Variants in FAM133A observed in about 807,000 individuals in gnomAD.
FAM133A encodes the protein family with sequence similarity 133 member A.
For missense variants in FAM133A, 159 were observed against 164.4 expected (o/e 0.97, Z 0.18); for synonymous variants, 65 against 58.6 (o/e 1.11, Z -0.50).
chrX:93,694,525 T>C (rs761415680), intron 2 of FAM133A, among the ~76,000 whole-genome samples: 5 of 111,511 alleles, frequency 4.5e-5, no homozygotes, highest in African/African-American at 1.6e-4. Flanking sequence ...AGAGTTTTGG[T>C]TGAGTCTGAA....
At chrX:93,701,185 A>C (rs1926676989) in intron 3 of FAM133A, among the ~76,000 whole-genome samples, 1 of 112,130 alleles carries the variant, frequency 8.9e-6, no homozygotes, top group Non-Finnish European at 1.9e-5. Flanking sequence ...TTTAAAGCTA[A>C]AATGTAGATG....
At chrX:93,703,567 C>T (rs1314266266) in intron 3 of FAM133A, among the ~76,000 whole-genome samples, 10 of 111,817 alleles carry the variant, frequency 8.9e-5, no homozygotes, top group Non-Finnish European at 1.9e-4. Flanking sequence ...AAATAAAAAG[C>T]GTGTTTAAAA....
chrX:93,684,774 AAAC>A (rs200318969), intron 2 of FAM133A, among the ~76,000 whole-genome samples: 7,676 of 111,928 alleles, frequency 0.069, 602 homozygotes, highest in African/African-American at 0.22. Flanking sequence ...ATAATTAAAA[AAAC>A]AAACATTTAA....
intron 3 of FAM133A, among the ~76,000 whole-genome samples, chrX:93,706,697 C>T (rs1927064050): frequency 9.0e-6 from 1 of 111,590 alleles, no homozygotes; most frequent in Non-Finnish European, 1.9e-5. Flanking sequence ...CGAGCCAGAG[C>T]CTTACCCCAG....
At chrX:93,702,837 TAAAAAAAAAAAAAAA>T (rs33985910) in intron 3 of FAM133A, among the ~76,000 whole-genome samples, 3 of 43,031 alleles carry the variant, frequency 7.0e-5, no homozygotes, top group African/African-American at 2.6e-4. Context: ...ATAGCTATGA[TAAAAAAAAAAAAAAA>T]AAAAAAAAAA....
At chrX:93,686,059 G>A (rs1162545658) in intron 2 of FAM133A, among the ~76,000 whole-genome samples, 1 of 86,339 alleles carries the variant, frequency 1.2e-5, no homozygotes, top group Non-Finnish European at 2.1e-5. Flanking sequence ...AGTGAGCCTA[G>A]ATGGCGCCAC....
intron 2 of FAM133A, among the ~76,000 whole-genome samples, chrX:93,697,819 T>C (rs1330596505): frequency 8.9e-6 from 1 of 111,866 alleles, no homozygotes; most frequent in Non-Finnish European, 1.9e-5. Flanking sequence ...AGTTCTATAT[T>C]CATCAGTTTT....
chrX:93,690,572 T>C (rs1602811608), intron 2 of FAM133A, among the ~76,000 whole-genome samples: 1 of 112,332 alleles, frequency 8.9e-6, no homozygotes, highest in African/African-American at 3.2e-5. Flanking sequence ...AATTGATGAA[T>C]ACTATTCCAT....
At position 93,709,754 on chromosome X, in the gene FAM133A, A is replaced by G. The variant is rs769829914; in HGVS notation, c.335A>G (p.Asp112Gly). The change falls in exon 4 of 4, where the codon GAT (aspartate) becomes GGT (glycine). Residue 112 changes from aspartate (D) to glycine (G), a missense_variant. Asp to Gly is a moderately conservative substitution (Grantham distance 94, BLOSUM62 -1). Coordinates refer to ENST00000683942, the MANE Select transcript of FAM133A (RefSeq NM_001171109.2). ...TCTTCATCTTCTTCATCAAGCTCTG[A>G]TTCTTCAAGCAGTTCTTCAGATTCT... ...CRSSSSSSSS[D>G]SSSSSSDSED... 2 of 1,194,524 alleles carry G rather than the reference A, an allele frequency of 1.7e-6. No individual in the cohort carries two copies. Among genetic ancestry groups the G allele is most frequent in the South Asian group, 3.7e-5 (2 of 54,425 alleles).
rs754433563 is a variant in FAM133A, at chrX:93,706,898, G to A, written c.-103-2419G>A. ...TTCTGTCTTAACCTGACTTCAATCCGTCTGTCACTGGGCAAATAATTGTCC... is the reference window on the plus strand; with the variant it reads ...TTCTGTCTTAACCTGACTTCAATCCATCTGTCACTGGGCAAATAATTGTCC... On this transcript the variant is annotated intron_variant, in intron 3 of 3. Coordinates refer to ENST00000683942, the MANE Select transcript of FAM133A (RefSeq NM_001171109.2). 7.2e-4 allele frequency among the ~76,000 whole-genome samples: 80 copies of A among 111,553 alleles called. 1 individual carries two copies. The Middle Eastern group carries it at 0.014, about 20-fold the overall frequency.
intron 2 of FAM133A, among the ~76,000 whole-genome samples, chrX:93,678,256 C>T (rs895230199): frequency 1.8e-5 from 2 of 111,783 alleles, no homozygotes; most frequent in East Asian, 2.8e-4. Flanking sequence ...TCTTTATATA[C>T]TCTGGATGCA....
Position 93,682,463 on chromosome X carries a change from A to G in FAM133A, c.-193+7711A>G, listed in dbSNP as rs892781647. ...GTGTACACACACATGTTCTTTTCCT[A>G]TGTATATTTTAAATTTACCTAGGAA... is the stretch of plus-strand genomic sequence containing the variant. On this transcript the variant is annotated intron_variant, in intron 2 of 3. Coordinates refer to ENST00000683942, the MANE Select transcript of FAM133A (RefSeq NM_001171109.2). Among the ~76,000 whole-genome samples, 13 of 111,906 alleles carry G rather than the reference A, an allele frequency of 1.2e-4. No homozygotes were observed. In the East Asian group the frequency reaches 3.4e-3, roughly 29 times the overall value.
intron 2 of FAM133A, among the ~76,000 whole-genome samples, chrX:93,682,786 T>C (rs1925254417): frequency 9.0e-6 from 1 of 110,804 alleles, no homozygotes; most frequent in South Asian, 3.9e-4. Flanking sequence ...CAGCTAATTT[T>C]TGTATTTTTG....
At chrX:93,675,041 A>T (rs930619386) in intron 2 of FAM133A, among the ~76,000 whole-genome samples, 6 of 112,330 alleles carry the variant, frequency 5.3e-5, no homozygotes, top group African/African-American at 1.9e-4. Context: ...AGTTAGATTA[A>T]TCTTTATAGA....
chrX:93,684,595 A>G (rs1163230479), intron 2 of FAM133A, among the ~76,000 whole-genome samples: 1 of 111,895 alleles, frequency 8.9e-6, no homozygotes, highest in Non-Finnish European at 1.9e-5. Flanking sequence ...ATAAAAAAGT[A>G]TAGATGCATA....
chrX:93,689,067 T>A (rs369321611), intron 2 of FAM133A, among the ~76,000 whole-genome samples: 3 of 98,251 alleles, frequency 3.1e-5, no homozygotes, highest in Admixed American at 2.3e-4. Flanking sequence ...TTTTTTTTTT[T>A]ATGAGACAAA....
intron 2 of FAM133A, among the ~76,000 whole-genome samples, chrX:93,679,732 C>T (rs1353373680): frequency 1.0e-5 from 1 of 100,028 alleles, no homozygotes; most frequent in East Asian, 3.2e-4. Flanking sequence ...TCATTCCTGT[C>T]TAACTGAAAT....
intron 2 of FAM133A, among the ~76,000 whole-genome samples, chrX:93,697,186 TATATA>T (rs1429618928): frequency 1.3e-5 from 1 of 75,680 alleles, no homozygotes. Flanking sequence ...TATATATATA[TATATA>T]ATATATCATA....
chrX:93,689,082 C>G (rs1925728923), intron 2 of FAM133A, among the ~76,000 whole-genome samples: 1 of 107,840 alleles, frequency 9.3e-6, no homozygotes, highest in Non-Finnish European at 1.9e-5. Context: ...GACAAAGTCT[C>G]CGCGGCTGGA....
Sources: allele counts gnomAD v4.1 joint callset (sites outside exome capture counted in the v4.1 genomes callset), GRCh38; gene constraint gnomAD v4.1.1; transcripts MANE v1.5; gene names NCBI Gene and HGNC (gene_info 2026-07-23, HGNC 2026-07-21).